The following PTPRT variants were observed in gnomAD, a reference collection of about 807,000 sequenced individuals.
The protein encoded by PTPRT is receptor-type tyrosine-protein phosphatase T.
A neutral mutation model predicts 176.8 loss-of-function variants in PTPRT; 56 were observed. That is an observed-to-expected ratio of 0.32 (90% CI 0.26 to 0.40). PTPRT has a LOEUF of 0.40. PTPRT is among the 10% of genes least tolerant of loss of function. The pLI is 1.00. For missense variants in PTPRT, 1,540 were observed against 1,908.2 expected, an observed-to-expected ratio of 0.81 and a Z score of 3.60; for synonymous variants, 783 against 739.0, an observed-to-expected ratio of 1.06 and a Z score of -0.96.
the PTPRT span, among the ~76,000 whole-genome samples, chr20:42,037,261 G>A: frequency 1.3e-5 from 2 of 152,186 alleles, no homozygotes; most frequent in Admixed American, 6.5e-5. Flanking sequence ...GGTTAAAGGA[G>A]GTCATAGGTG....
At chr20:43,152,649 C>A (rs2014395871) in intron 1 of PTPRT, among the ~76,000 whole-genome samples, 1 of 152,208 alleles carries the variant, frequency 6.6e-6, no homozygotes, top group South Asian at 2.1e-4. Flanking sequence ...CATTCTTCCT[C>A]TGGACCTGTC....
chr20:42,117,629 G>A (rs545383897), intron 21 of PTPRT, among the ~76,000 whole-genome samples: 6 of 152,174 alleles, frequency 3.9e-5, no homozygotes, highest in South Asian at 2.1e-4. Flanking sequence ...AGAGAGAAGT[G>A]GAGACTGGAT....
chr20:42,948,056 A>G (rs1174874315), intron 1 of PTPRT, among the ~76,000 whole-genome samples: 2 of 151,532 alleles, frequency 1.3e-5, no homozygotes, highest in African/African-American at 4.9e-5. Flanking sequence ...AATGCTGACC[A>G]CTCTCTCCCT....
intron 7 of PTPRT, among the ~76,000 whole-genome samples, chr20:42,658,942 A>G (rs1257455379): frequency 6.6e-6 from 1 of 152,146 alleles, no homozygotes; most frequent in Non-Finnish European, 1.5e-5. Context: ...GTCCAGGGAG[A>G]TATATCTGTC....
Position 42,506,938 on chromosome 20 carries a change from GACC to G in PTPRT, c.1154-34379_1154-34377del, listed in dbSNP as rs149654166. Among the ~76,000 whole-genome samples, 452 of 152,140 alleles carry G rather than the reference GACC, an allele frequency of 3.0e-3. 2 individuals are homozygous for G. The highest frequency in any genetic ancestry group is 0.01 in the African/African-American group (416 of 41,512). On this transcript the variant is annotated intron_variant, in intron 7 of 30. Transcript: ENST00000373187. ...AATGTCCTCCTGGATCCTAGGATCT[GACC>G]ACATCTTATTAATAGAGTTCAAGGC...
intron 1 of PTPRT, among the ~76,000 whole-genome samples, chr20:43,041,027 A>G (rs3092800): frequency 0.42 from 63,438 of 152,150 alleles, 16,911 homozygotes; most frequent in African/African-American, 0.75. Flanking sequence ...GATCCACCCC[A>G]GACCTACTAA....
At chr20:42,829,913 C>T (rs146100365) in intron 2 of PTPRT, among the ~76,000 whole-genome samples, 6 of 152,112 alleles carry the variant, frequency 3.9e-5, no homozygotes, top group South Asian at 2.1e-4. Flanking sequence ...AGTTTATTCC[C>T]GAACAGACCA....
At chr20:42,781,495 A>G (rs1197434251) in intron 3 of PTPRT, among the ~76,000 whole-genome samples, 2 of 151,920 alleles carry the variant, frequency 1.3e-5, no homozygotes, top group Non-Finnish European at 2.9e-5. Flanking sequence ...CTCTTGCTAT[A>G]TTTTCCATCT....
chr20:42,517,957 G>A (rs1168441794), intron 7 of PTPRT, among the ~76,000 whole-genome samples: 1 of 151,906 alleles, frequency 6.6e-6, no homozygotes, highest in Non-Finnish European at 1.5e-5. Flanking sequence ...CTTTGAAATT[G>A]TTCAAATCGT....
intron 1 of PTPRT, among the ~76,000 whole-genome samples, chr20:42,960,293 G>A (rs1393061606): frequency 6.6e-6 from 1 of 152,096 alleles, no homozygotes; most frequent in Non-Finnish European, 1.5e-5. Context: ...CAAGGTGCTG[G>A]CAGGTTTGGT....
chr20:42,587,175 T>A (rs747210049), intron 7 of PTPRT, among the ~76,000 whole-genome samples: 16 of 152,186 alleles, frequency 1.1e-4, no homozygotes, highest in Non-Finnish European at 1.9e-4. Context: ...TGCCCCAGTG[T>A]TCTTCAGATA....
intron 19 of PTPRT, among the ~76,000 whole-genome samples, chr20:42,126,489 A>C (rs1987863796): frequency 6.6e-6 from 1 of 152,250 alleles, no homozygotes; most frequent in Non-Finnish European, 1.5e-5. Context: ...TGATGTTGGT[A>C]CATGAAAGGT....
chr20:43,086,563 G>C (rs1410052184), intron 1 of PTPRT, among the ~76,000 whole-genome samples: 1 of 152,154 alleles, frequency 6.6e-6, no homozygotes, highest in Non-Finnish European at 1.5e-5. Context: ...CAGTAATAGG[G>C]AGTCATCCAA....
intron 1 of PTPRT, among the ~76,000 whole-genome samples, chr20:43,045,889 C>T (rs1191984558): frequency 8.5e-5 from 13 of 152,154 alleles, no homozygotes; most frequent in Admixed American, 6.5e-4. Context: ...GCAGGGGAAC[C>T]GAATTTAGAT....
At chr20:42,065,874 G>C in the PTPRT span, among the ~76,000 whole-genome samples, 3 of 151,964 alleles carry the variant, frequency 2.0e-5, no homozygotes, top group Non-Finnish European at 4.4e-5. Context: ...ACAATTAATA[G>C]CTTATTGAGG....
At chr20:42,087,506 C>T (rs1213591119) in intron 27 of PTPRT, among the ~76,000 whole-genome samples, 2 of 151,072 alleles carry the variant, frequency 1.3e-5, no homozygotes, top group Non-Finnish European at 2.9e-5. Flanking sequence ...CTTGGCCTCC[C>T]AAAGTGCCGG....
chr20:42,949,909 C>T (rs1981129946), intron 1 of PTPRT, among the ~76,000 whole-genome samples: 1 of 152,174 alleles, frequency 6.6e-6, no homozygotes. Flanking sequence ...TGTACTACTC[C>T]AGGGCTTGGC....
At chr20:43,065,692 T>A (rs1013868200) in intron 1 of PTPRT, among the ~76,000 whole-genome samples, 2 of 152,118 alleles carry the variant, frequency 1.3e-5, no homozygotes, top group African/African-American at 4.8e-5. Flanking sequence ...GGACCTCACA[T>A]GAGGTGAGAG....
chr20:42,145,892 C>G (rs553094828), intron 17 of PTPRT, among the ~76,000 whole-genome samples: 1 of 152,198 alleles, frequency 6.6e-6, no homozygotes, highest in Non-Finnish European at 1.5e-5. Context: ...GCACCAATCT[C>G]TGACCTAAAT....
Sources: allele counts gnomAD v4.1 joint callset (sites outside exome capture counted in the v4.1 genomes callset), GRCh38; gene constraint gnomAD v4.1.1; transcripts MANE v1.5; gene names NCBI Gene and HGNC (gene_info 2026-07-23, HGNC 2026-07-21).